The following STK32B variants were observed in gnomAD, a reference collection of about 807,000 sequenced individuals.
The protein encoded by STK32B is serine/threonine kinase 32B, also known as serine/threonine-protein kinase 32B.
Under a neutral mutation model 52.6 loss-of-function variants are expected in STK32B, and 43 were observed. That is an observed-to-expected ratio of 0.82 (90% CI 0.64 to 1.05). The LOEUF (loss-of-function observed/expected upper bound fraction) is 1.05, where lower values mean the gene tolerates loss of function less well. STK32B is among the 50% of genes least tolerant of loss of function. The pLI, the probability that STK32B is intolerant of heterozygous loss-of-function variation, is 0.00. For missense variants in STK32B, 621 were observed against 534.6 expected (o/e 1.16, Z -1.59); for synonymous variants, 238 against 204.3 (o/e 1.17, Z -1.41).
intron 4 of STK32B, among the ~76,000 whole-genome samples, chr4:5,346,478 G>A (rs1229803244): frequency 6.6e-6 from 1 of 152,162 alleles, no homozygotes; most frequent in Non-Finnish European, 1.5e-5. Context: ...TAGTTCCCCA[G>A]AACAGTGGGA....
At chr4:5,303,325 C>G (rs945965806) in intron 3 of STK32B, among the ~76,000 whole-genome samples, 2 of 152,032 alleles carry the variant, frequency 1.3e-5, no homozygotes, top group Non-Finnish European at 2.9e-5. Flanking sequence ...TCATTTACAC[C>G]ACATCCATGC....
At chr4:5,346,996 C>T (rs569251062) in intron 4 of STK32B, among the ~76,000 whole-genome samples, 2 of 152,286 alleles carry the variant, frequency 1.3e-5, no homozygotes, top group African/African-American at 4.8e-5. Context: ...TGAGAACCCA[C>T]GTACTATCAT....
At chr4:5,146,959 A>G (rs1577105868) in intron 2 of STK32B, among the ~76,000 whole-genome samples, 1 of 152,344 alleles carries the variant, frequency 6.6e-6, no homozygotes, top group Middle Eastern at 3.4e-3. Context: ...AAAACTGTGG[A>G]ATTACAATTG....
chr4:5,479,558 C>G (rs1443702665), intron 11 of STK32B, among the ~76,000 whole-genome samples: 1 of 152,192 alleles, frequency 6.6e-6, no homozygotes, highest in African/African-American at 2.4e-5. Flanking sequence ...CAGCAGATTT[C>G]TCCATTTCAA....
rs930259105 is a variant in STK32B, at chr4:5,453,445, G to A, written c.667-3362G>A. Among the ~76,000 whole-genome samples, 3 of 152,182 alleles carry A rather than the reference G, an allele frequency of 2.0e-5. No individual in the cohort carries two copies. Among genetic ancestry groups the A allele is most frequent in the Non-Finnish European group, 4.4e-5 (3 of 68,034 alleles). On this transcript the variant is annotated intron_variant, in intron 7 of 11. Coordinates refer to ENST00000282908, the MANE Select transcript of STK32B (RefSeq NM_018401.3). The surrounding 1 kb of genome is among the most constrained non-coding windows in gnomAD (Gnocchi z 4.0). Reference sequence around the variant, plus strand: ...GATGAGAATCGGGGACATTGGGAAAGTCTCTTTTCATCTCCCAGCCTCAGT... The same window carrying A: ...GATGAGAATCGGGGACATTGGGAAAATCTCTTTTCATCTCCCAGCCTCAGT...
intron 4 of STK32B, among the ~76,000 whole-genome samples, chr4:5,374,951 G>T (rs1307425383): frequency 6.6e-6 from 1 of 152,186 alleles, no homozygotes; most frequent in Non-Finnish European, 1.5e-5. Flanking sequence ...AAGTTAAGGA[G>T]ATACTAGAGT....
chr4:5,165,710 A>T (rs1004303692), intron 2 of STK32B, among the ~76,000 whole-genome samples: 2 of 152,112 alleles, frequency 1.3e-5, no homozygotes, highest in Non-Finnish European at 2.9e-5. Flanking sequence ...TTGGATTCCC[A>T]CAAAGCCAGG....
intron 7 of STK32B, among the ~76,000 whole-genome samples, chr4:5,455,091 G>A (rs188664331): frequency 1.2e-4 from 18 of 152,238 alleles, no homozygotes; most frequent in Non-Finnish European, 1.0e-4. Flanking sequence ...CCTTCTGGGT[G>A]TGCACATCTG....
intron 3 of STK32B, among the ~76,000 whole-genome samples, chr4:5,221,349 A>C (rs1173241997): frequency 1.3e-5 from 2 of 152,198 alleles, no homozygotes; most frequent in African/African-American, 2.4e-5. Context: ...AAGAAAATAA[A>C]ATTAGCAGGA....
chr4:5,259,924 G>C (rs1454257282), intron 3 of STK32B, among the ~76,000 whole-genome samples: 1 of 151,984 alleles, frequency 6.6e-6, no homozygotes, highest in Non-Finnish European at 1.5e-5. Context: ...CAAGACCTGG[G>C]GGTGTGGTAG....
At chr4:5,087,737 A>G (rs1712815897) in intron 1 of STK32B, among the ~76,000 whole-genome samples, 1 of 152,032 alleles carries the variant, frequency 6.6e-6, no homozygotes, top group Admixed American at 6.5e-5. Flanking sequence ...TCAACCCACC[A>G]AGAGGACATA....
chr4:5,457,147 A>C (rs1212465497), intron 8 of STK32B, among the ~76,000 whole-genome samples: 1 of 150,442 alleles, frequency 6.6e-6, no homozygotes, highest in Non-Finnish European at 1.5e-5. Flanking sequence ...GCAAGCCCCT[A>C]GGCTCTTGTC....
chr4:5,455,776 C>T (rs1036098599), intron 7 of STK32B, among the ~76,000 whole-genome samples: 9 of 152,108 alleles, frequency 5.9e-5, no homozygotes, highest in East Asian at 1.9e-4. Flanking sequence ...CAGAAATGAG[C>T]GTGGTCAAAT....
At chr4:5,298,534 C>T (rs1414758882) in intron 3 of STK32B, among the ~76,000 whole-genome samples, 1 of 152,140 alleles carries the variant, frequency 6.6e-6, no homozygotes, top group Non-Finnish European at 1.5e-5. Flanking sequence ...CTTTGCTGTG[C>T]TGCAGTGGGT....
chr4:5,054,452 G>T (rs1268830457), intron 1 of STK32B, among the ~76,000 whole-genome samples: 1 of 149,352 alleles, frequency 6.7e-6, no homozygotes, highest in Non-Finnish European at 1.5e-5. Flanking sequence ...GGGGAAGGAC[G>T]TTTCAGAGAA....
intron 3 of STK32B, among the ~76,000 whole-genome samples, chr4:5,274,875 C>G (rs796682043): frequency 6.6e-6 from 1 of 152,200 alleles, no homozygotes; most frequent in Admixed American, 6.5e-5. Flanking sequence ...GTCCGCTATG[C>G]TCCTGATCCA....
intron 1 of STK32B, among the ~76,000 whole-genome samples, chr4:5,111,308 C>T (rs1714390553): frequency 6.6e-6 from 1 of 152,152 alleles, no homozygotes; most frequent in African/African-American, 2.4e-5. Flanking sequence ...AAGACACCTG[C>T]ACTTGTATGT....
chr4:5,404,733 T>C (rs548998838), intron 5 of STK32B, among the ~76,000 whole-genome samples: 1 of 152,096 alleles, frequency 6.6e-6, no homozygotes, highest in South Asian at 2.1e-4. Context: ...AATGACCTCA[T>C]CATCTGTGAT....
In STK32B at chr4:5,398,547, C is replaced by T. The variant is rs1737073758; in HGVS notation, c.472+303C>T. 6.6e-6 allele frequency among the ~76,000 whole-genome samples: 1 copy of T among 152,186 alleles called. No homozygotes were observed. The highest frequency in any genetic ancestry group is 2.4e-5 in the African/African-American group (1 of 41,452). Reference sequence around the variant, plus strand: ...CGGGGTTCCAACCCCAACTCCCTCACCTATGAACGTGTGGCTTCAGAAGTC... The same window carrying T: ...CGGGGTTCCAACCCCAACTCCCTCATCTATGAACGTGTGGCTTCAGAAGTC... On this transcript the variant is annotated intron_variant, in intron 5 of 11. Coordinates refer to ENST00000282908, the MANE Select transcript of STK32B (RefSeq NM_018401.3). The surrounding 1 kb of genome is among the most constrained non-coding windows in gnomAD (Gnocchi z 4.9).
Sources: allele counts gnomAD v4.1 joint callset (sites outside exome capture counted in the v4.1 genomes callset), GRCh38; gene constraint gnomAD v4.1.1; non-coding constraint Gnocchi (gnomAD v3.1); transcripts MANE v1.5; gene names NCBI Gene and HGNC (gene_info 2026-07-23, HGNC 2026-07-21).